ATP2B3: variants seen among roughly 807,000 people sequenced by gnomAD.
ATP2B3 encodes the protein ATPase plasma membrane Ca2+ transporting 3.
A neutral mutation model predicts 70.8 loss-of-function variants in ATP2B3; 12 were observed. That is an observed-to-expected ratio of 0.17 (90% CI 0.11 to 0.27). ATP2B3 has a LOEUF of 0.27. ATP2B3 is among the 10% of genes least tolerant of loss of function. The pLI, the probability that ATP2B3 is intolerant of heterozygous loss-of-function variation, is 1.00. For missense variants in ATP2B3, 858 were observed against 1,118.5 expected, an observed-to-expected ratio of 0.77 and a Z score of 3.32; for synonymous variants, 460 against 497.8, an observed-to-expected ratio of 0.92 and a Z score of 1.01.
intron 21 of ATP2B3, chrX:153,569,508 G>GCCCA: frequency 1.0e-6 from 1 of 994,371 alleles, no homozygotes; most frequent in Non-Finnish European, 1.4e-6. Context: ...CACCCTATGT[G>GCCCA]CCCAGTGGTG....
In ATP2B3 at chrX:153,547,790, C is replaced by T. The variant is rs781928005; in HGVS notation, c.959-45C>T. ...CAAAAGCCCCTTATAACGCCTTCTC[C>T]CCAGCCAGGCACTGACCTTGGCCAT... On this transcript the variant is annotated intron_variant, in intron 8 of 21. Coordinates refer to ENST00000263519, the MANE Select transcript of ATP2B3 (RefSeq NM_001001344.3). 7.6e-5 allele frequency: 86 copies of T among 1,124,444 alleles called. 1 individual carries two copies. In the South Asian group the frequency reaches 2.0e-3, roughly 26 times the overall value. 92.7% of individuals were successfully genotyped at this position (1,124,444 alleles called of 1,213,427 possible).
At position 153,580,280 on chromosome X, in the gene ATP2B3, C is replaced by T. The variant is rs977777611; in HGVS notation, c.3645C>T (p.Ser1215=). The change falls in exon 22 of 22, where the codon AGC becomes AGT. Residue 1215 remains serine (S), a synonymous_variant. Transcript: ENST00000263519. ...CCAGTCCCGGGAGCCCGCTCCACAG[C>T]GTGGAGACGTCCCTCTAACAAGAAC... ...FSSSPGSPLH[S]VETSL 3.3e-6 allele frequency: 4 copies of T among 1,204,730 alleles called. No homozygotes were observed. In the Admixed American group the frequency reaches 6.6e-5, roughly 20 times the overall value.
intron 21 of ATP2B3, among the ~76,000 whole-genome samples, chrX:153,578,739 G>A (rs1453562808): frequency 9.8e-5 from 11 of 112,523 alleles, no homozygotes; most frequent in African/African-American, 3.6e-4. Context: ...TGTGGGGAGG[G>A]ATGGCCAGGG....
At position 153,581,451 on chromosome X, in the gene ATP2B3, C is replaced by T. The variant is rs2090921665; in HGVS notation, c.*1153C>T. The T allele has an allele frequency of 8.9e-6, 1 of 112,868 alleles. No individual in the cohort carries two copies. Among genetic ancestry groups the T allele is most frequent in the African/African-American group, 3.2e-5 (1 of 31,045 alleles). The allele number at this position is 112,868 out of a possible 1,213,427, so 9.3% of individuals were successfully genotyped here. On this transcript the variant is annotated 3_prime_UTR_variant, in exon 22 of 22. Coordinates refer to ENST00000263519, the MANE Select transcript of ATP2B3 (RefSeq NM_001001344.3). ...CTGGCCATGCCCCCACCTTCAAGAGCATGAAGCACTCTTGGAGTTGTGGGT... is the reference window on the plus strand; with the variant it reads ...CTGGCCATGCCCCCACCTTCAAGAGTATGAAGCACTCTTGGAGTTGTGGGT...
chrX:153,580,404 CGAG>C lies in ATP2B3; in HGVS notation c.*108_*110del. 1.2e-6 allele frequency: 1 copy of C among 838,446 alleles called. No homozygotes were observed. The highest frequency in any genetic ancestry group is 2.6e-5 in the South Asian group (1 of 38,937). The allele number at this position is 838,446 out of a possible 1,213,427, so 69.1% of individuals were successfully genotyped here. On this transcript the variant is annotated 3_prime_UTR_variant, in exon 22 of 22. Coordinates refer to ENST00000263519, the MANE Select transcript of ATP2B3 (RefSeq NM_001001344.3). The stretch of plus-strand genomic sequence containing the variant: ...TATGGGGACCTGCACACCTGCAAAA[CGAG>C]GGAACAACTAAGGTGGCTGAAGACC...
At chrX:153,525,979 G>A (rs1373151262) in intron 2 of ATP2B3, among the ~76,000 whole-genome samples, 1 of 113,228 alleles carries the variant, frequency 8.8e-6, no homozygotes, top group Non-Finnish European at 1.9e-5. Flanking sequence ...TAGGTGGGAT[G>A]GGGTGGGTCA....
intron 7 of ATP2B3, among the ~76,000 whole-genome samples, chrX:153,544,936 A>G (rs2090341576): frequency 8.9e-6 from 1 of 112,737 alleles, no homozygotes; most frequent in South Asian, 3.6e-4. Context: ...CCACGGCCCC[A>G]AGGCTCTGCC....
chrX:153,536,326 T>C lies in ATP2B3; in HGVS notation c.79T>C (p.Phe27Leu), dbSNP rs2090189992. 1 of 1,198,182 alleles carries C rather than the reference T, an allele frequency of 8.3e-7. No homozygotes were observed. The highest frequency in any genetic ancestry group is 1.1e-6 in the Non-Finnish European group (1 of 889,040). The change falls in exon 3 of 22, where the codon TTT becomes CTT. Residue 27 changes from phenylalanine (F) to leucine (L), a missense_variant. This residue lies in a region of ATP2B3 where 278 missense variants were observed against 366.2 expected (regional missense o/e 0.76). Transcript: ENST00000263519. ...GCGGGATGTCCCCCAGGCTGGAGGC[T>C]TTGGGTGCACGCTGGCGGAGCTGCG... ...QQRDVPQAGG[F>L]GCTLAELRTL...
rs782067627 is a variant in ATP2B3, at chrX:153,558,295, A to G, written c.2617A>G (p.Ile873Val). 20 of 1,208,067 alleles carry G rather than the reference A, an allele frequency of 1.7e-5. No homozygotes were observed. The highest frequency in any genetic ancestry group is 2.1e-5 in the Non-Finnish European group (19 of 893,898). Residue 873 changes from isoleucine (I) to valine (V), a missense_variant, in exon 17 of 22, where the codon ATT (isoleucine) becomes GTT (valine). Ile to Val is a conservative substitution (Grantham distance 29, BLOSUM62 3). This residue lies in a region of ATP2B3 where 50 missense variants were observed against 106.7 expected (regional missense o/e 0.47). Coordinates refer to ENST00000263519, the MANE Select transcript of ATP2B3 (RefSeq NM_001001344.3). ...GATCGTGGCCTTCACAGGTGCCTGC[A>G]TTACTCAGGTGGGTACTGGGGGCTG... ...AVIVAFTGACITQDSPLKAVQ... is the reference protein window; with the variant it reads ...AVIVAFTGACVTQDSPLKAVQ...
At chrX:153,560,077 C>G (rs971272493) in intron 18 of ATP2B3, 135 bp downstream of exon 18, 36 of 678,823 alleles carry the variant, frequency 5.3e-5, no homozygotes, top group Non-Finnish European at 7.5e-5. Flanking sequence ...CCTGACTGGA[C>G]AGCACACAGG....
At chrX:153,526,827 C>A (rs964065084) in intron 2 of ATP2B3, among the ~76,000 whole-genome samples, 1 of 112,005 alleles carries the variant, frequency 8.9e-6, no homozygotes, top group Non-Finnish European at 1.9e-5. Flanking sequence ...GGTCTGCCTC[C>A]CAGATCCTTT....
At position 153,580,166 on chromosome X, in the gene ATP2B3, G is replaced by A. The variant is rs201725641; in HGVS notation, c.3531G>A (p.Pro1177=). 7.7e-5 allele frequency: 67 copies of A among 871,362 alleles called. No homozygotes were observed. The South Asian group carries it at 1.2e-3, about 16-fold the overall frequency. 71.8% of individuals were successfully genotyped at this position (871,362 alleles called of 1,213,427 possible). The change falls in exon 22 of 22, where the codon CCG becomes CCA. Residue 1177 remains proline (P), a synonymous_variant. Transcript: ENST00000263519. ...NEERLRAPPP[P]SPNQNNNAID... ...AGCGCCTCCGGGCCCCCCCGCCCCC[G>A]TCCCCCAACCAGAACAACAACGCCA... is the stretch of plus-strand genomic sequence containing the variant.
chrX:153,518,159 A>C (rs1447774221), intron 1 of ATP2B3, among the ~76,000 whole-genome samples: 34 of 112,669 alleles, frequency 3.0e-4, no homozygotes, highest in Admixed American at 4.6e-4. Context: ...CTGAGGAACA[A>C]GGCCCTTGGG....
At chrX:153,551,471 C>T (rs1425574610) in intron 12 of ATP2B3, among the ~76,000 whole-genome samples, 6 of 111,794 alleles carry the variant, frequency 5.4e-5, no homozygotes, top group African/African-American at 1.6e-4. Context: ...ATCCTAGATC[C>T]TTATCAGCTA....
intron 2 of ATP2B3, among the ~76,000 whole-genome samples, chrX:153,520,454 G>A: frequency 8.9e-6 from 1 of 112,642 alleles, no homozygotes; most frequent in East Asian, 2.8e-4. Flanking sequence ...TAAACTGATG[G>A]CTTGTGTATT....
At position 153,563,136 on chromosome X, in the gene ATP2B3, C is replaced by CTTTTTTTT. The variant is rs36131654; in HGVS notation, c.3159+910_3159+917dup. The stretch of plus-strand genomic sequence containing the variant: ...TCAGTCCATAGCATTCTGGCTTTTC[C>CTTTTTTTT]TTTTTTTTTTTTTTTTTTTTTTTGA... On this transcript the variant is annotated intron_variant, in intron 20 of 21. Coordinates refer to ENST00000263519, the MANE Select transcript of ATP2B3 (RefSeq NM_001001344.3). Among the ~76,000 whole-genome samples, 17 of 48,799 alleles carry CTTTTTTTT rather than the reference C, an allele frequency of 3.5e-4. 1 individual carries two copies. Among genetic ancestry groups the CTTTTTTTT allele is most frequent in the Admixed American group, 7.6e-4 (2 of 2,642 alleles). The allele number at this position is 48,799 out of a possible 115,157, so 42.4% of individuals were successfully genotyped here.
rs1370572007 is a variant in ATP2B3 at position 153,548,755 on chromosome X, C to T, written c.1239C>T (p.Tyr413=). 4 of 1,210,005 alleles carry T rather than the reference C, an allele frequency of 3.3e-6. No homozygotes were observed. Among genetic ancestry groups the T allele is most frequent in the East Asian group, 5.9e-5 (2 of 33,750 alleles). Residue 413 remains tyrosine, a synonymous_variant, in exon 10 of 22, where the codon TAC becomes TAT. Transcript: ENST00000263519. ...LAECTPVYVQ[Y]FVKFFIIGVT... ...AGTGCACGCCGGTCTATGTACAATACTTCGTGAAGTTCTTCATCATTGGTG... is the reference window on the plus strand; with the variant it reads ...AGTGCACGCCGGTCTATGTACAATATTTCGTGAAGTTCTTCATCATTGGTG...
intron 2 of ATP2B3, among the ~76,000 whole-genome samples, chrX:153,528,400 G>A (rs1258600948): frequency 1.8e-5 from 2 of 111,499 alleles, no homozygotes; most frequent in Non-Finnish European, 3.8e-5. Context: ...CCTCTCATCC[G>A]TGGCTCTATC....
chrX:153,577,561 C>T (rs1040778057), intron 21 of ATP2B3, among the ~76,000 whole-genome samples: 1 of 112,455 alleles, frequency 8.9e-6, no homozygotes, highest in African/African-American at 3.2e-5. Context: ...GCATTGGCTA[C>T]GAAAACTGAA....
Sources: allele counts gnomAD v4.1 joint callset (sites outside exome capture counted in the v4.1 genomes callset), GRCh38; gene constraint gnomAD v4.1.1; regional missense constraint gnomAD v4.1.1; transcripts MANE v1.5; gene names NCBI Gene and HGNC (gene_info 2026-07-23, HGNC 2026-07-21).